GPHN: variants seen among roughly 807,000 people sequenced by gnomAD.
The protein encoded by GPHN is gephyrin.
A neutral mutation model predicts 95.5 loss-of-function variants in GPHN; 17 were observed. That is an observed-to-expected ratio of 0.18 (90% confidence interval 0.12 to 0.27). The LOEUF (loss-of-function observed/expected upper bound fraction) is 0.27, where lower values mean the gene tolerates loss of function less well. GPHN is among the 10% of genes least tolerant of loss of function. The pLI, the probability that GPHN is intolerant of heterozygous loss-of-function variation, is 1.00. For missense variants in GPHN, 660 were observed against 978.1 expected, an observed-to-expected ratio of 0.67 and a Z score of 4.34; for synonymous variants, 320 against 322.5, an observed-to-expected ratio of 0.99 and a Z score of 0.08.
intron 2 of GPHN, among the ~76,000 whole-genome samples, chr14:66,737,702 CTT>C (rs1010313906): frequency 5.9e-5 from 9 of 152,324 alleles, no homozygotes; most frequent in African/African-American, 1.9e-4. Context: ...CCCCAGAACT[CTT>C]TCCTTTTCTG....
At chr14:66,621,930 C>T (rs2153318280) in intron 1 of GPHN, among the ~76,000 whole-genome samples, 1 of 152,198 alleles carries the variant, frequency 6.6e-6, no homozygotes, top group Admixed American at 6.5e-5. Flanking sequence ...GTGGATCTGC[C>T]ATTATGGGGT....
At chr14:66,693,218 T>A (rs2067896058) in intron 2 of GPHN, among the ~76,000 whole-genome samples, 1 of 152,224 alleles carries the variant, frequency 6.6e-6, no homozygotes, top group Non-Finnish European at 1.5e-5. Context: ...TAATCTGTTG[T>A]AATATGTTTT....
At chr14:67,160,959 A>G (rs975271136) in intron 19 of GPHN, among the ~76,000 whole-genome samples, 2 of 152,216 alleles carry the variant, frequency 1.3e-5, no homozygotes, top group Non-Finnish European at 2.9e-5. Context: ...GCATGCCCCA[A>G]TATGGCTGCT....
At chr14:67,540,200 T>C in the GPHN span, among the ~76,000 whole-genome samples, 4 of 152,220 alleles carry the variant, frequency 2.6e-5, no homozygotes, top group Non-Finnish European at 4.4e-5. Flanking sequence ...TCAAAAATTA[T>C]CAACATTTTA....
At chr14:67,473,366 C>G in the GPHN span, 1 of 1,586,226 alleles carries the variant, frequency 6.3e-7, no homozygotes, top group South Asian at 1.2e-5. The surrounding 1 kb of genome is among the most constrained non-coding windows in gnomAD (Gnocchi z 6.5). Flanking sequence ...CCAGCTTGGT[C>G]TCTTTGTCCA....
intron 11 of GPHN, among the ~76,000 whole-genome samples, chr14:67,076,524 A>T (rs931591383): frequency 1.3e-5 from 2 of 152,114 alleles, no homozygotes; most frequent in African/African-American, 4.8e-5. Context: ...AACCCTCTTA[A>T]TCCTTAGCCT....
At chr14:67,224,190 C>A in the GPHN span, among the ~76,000 whole-genome samples, 1 of 151,644 alleles carries the variant, frequency 6.6e-6, no homozygotes, top group South Asian at 2.1e-4. Flanking sequence ...GTTTTTATGA[C>A]AACTTTATGC....
At chr14:67,009,680 G>A (rs2072849350) in intron 9 of GPHN, among the ~76,000 whole-genome samples, 1 of 151,836 alleles carries the variant, frequency 6.6e-6, no homozygotes, top group South Asian at 2.1e-4. Flanking sequence ...ATAGTAAAAT[G>A]GTCTGTCTAT....
intron 1 of GPHN, among the ~76,000 whole-genome samples, chr14:66,515,869 CATT>C (rs2058220020): frequency 6.6e-6 from 1 of 152,228 alleles, no homozygotes. Context: ...ACTGTGAAAA[CATT>C]ATTCAGTCAA....
chr14:67,307,436 T>C, the GPHN span, among the ~76,000 whole-genome samples: 14 of 152,298 alleles, frequency 9.2e-5, no homozygotes, highest in Middle Eastern at 0.017. Context: ...AGTTACAGAA[T>C]ATGTACCAGA....
At chr14:67,522,542 C>G in the GPHN span, among the ~76,000 whole-genome samples, 1 of 152,188 alleles carries the variant, frequency 6.6e-6, no homozygotes, top group Non-Finnish European at 1.5e-5. Context: ...CCCAACTTCA[C>G]TATATCAGTT....
intron 11 of GPHN, among the ~76,000 whole-genome samples, chr14:67,063,501 G>A (rs1195651938): frequency 1.3e-5 from 2 of 152,146 alleles, no homozygotes; most frequent in African/African-American, 2.4e-5. Context: ...GGTTGGCATT[G>A]AATCTATAAA....
At chr14:66,597,357 G>A (rs1032286362) in intron 1 of GPHN, among the ~76,000 whole-genome samples, 16 of 152,132 alleles carry the variant, frequency 1.1e-4, no homozygotes, top group Non-Finnish European at 2.1e-4. Context: ...ATCACTGGTT[G>A]GTTCACAAGA....
chr14:67,218,601 G>T, the GPHN span, among the ~76,000 whole-genome samples: 65 of 152,298 alleles, frequency 4.3e-4, 1 homozygote, highest in East Asian at 0.013. Flanking sequence ...ATGTCCGTCA[G>T]GAGCAACCTG....
At chr14:66,684,175 G>C (rs1370654945) in intron 2 of GPHN, among the ~76,000 whole-genome samples, 1 of 152,058 alleles carries the variant, frequency 6.6e-6, no homozygotes, top group Non-Finnish European at 1.5e-5. Flanking sequence ...ACCCATTTGA[G>C]CTGCTGATAC....
At chr14:67,008,184 G>A (rs2072733208) in intron 9 of GPHN, among the ~76,000 whole-genome samples, 1 of 152,146 alleles carries the variant, frequency 6.6e-6, no homozygotes, top group African/African-American at 2.4e-5. Context: ...ACCAGGCGTG[G>A]TGGCTCATGC....
chr14:66,739,172 T>G (rs1346801369), intron 2 of GPHN, among the ~76,000 whole-genome samples: 1 of 151,534 alleles, frequency 6.6e-6, no homozygotes, highest in Non-Finnish European at 1.5e-5. Flanking sequence ...CAATTCAAAT[T>G]CATATTGTCT....
chr14:66,938,124 G>A (rs921989026), intron 8 of GPHN, among the ~76,000 whole-genome samples: 3 of 152,106 alleles, frequency 2.0e-5, no homozygotes, highest in Admixed American at 1.3e-4. Flanking sequence ...ATATCTCCAG[G>A]TAAGGCCTTG....
intron 8 of GPHN, among the ~76,000 whole-genome samples, chr14:66,947,891 A>G (rs919840135): frequency 6.6e-6 from 1 of 152,174 alleles, no homozygotes. Context: ...GGAGTTTGAG[A>G]CTACAGTGAG....
Sources: allele counts gnomAD v4.1 joint callset (sites outside exome capture counted in the v4.1 genomes callset), GRCh38; gene constraint gnomAD v4.1.1; non-coding constraint Gnocchi (gnomAD v3.1); transcripts MANE v1.5; gene names NCBI Gene and HGNC (gene_info 2026-07-23, HGNC 2026-07-21).